The following GCH1 variants were observed in gnomAD, a reference collection of about 807,000 sequenced individuals.
GCH1 encodes the protein GTP cyclohydrolase I.
In GCH1, 5 loss-of-function variants were observed where a neutral mutation model predicts 25.9. The ratio of observed to expected loss-of-function variants is 0.19; its 90% confidence interval spans 0.10 to 0.41. The LOEUF (loss-of-function observed/expected upper bound fraction) is 0.41. Ranked by LOEUF, GCH1 falls within the 10% of genes least tolerant of loss-of-function variation. The probability of loss-of-function intolerance (pLI) is 1.00; values close to 1 mark genes in which losing one functional copy is unlikely to be tolerated. For missense variants in GCH1, 261 were observed against 336.5 expected, an observed-to-expected ratio of 0.78 and a Z score of 1.75; for synonymous variants, 159 against 129.6, an observed-to-expected ratio of 1.23 and a Z score of -1.54.
At chr14:54,860,330 T>C (rs759092716) in intron 2 of GCH1, among the ~76,000 whole-genome samples, 1 of 152,142 alleles carries the variant, frequency 6.6e-6, no homozygotes, top group Non-Finnish European at 1.5e-5. Context: ...AATGATCTCA[T>C]AGCAACACTA....
Position 54,843,690 on chromosome 14 carries a change from A to G in GCH1, c.*327T>C. 6.2e-7 allele frequency: 1 copy of G among 1,601,704 alleles called. No individual in the cohort carries two copies. The highest frequency in any genetic ancestry group is 8.5e-7 in the Non-Finnish European group (1 of 1,175,360). On this transcript the variant is annotated 3_prime_UTR_variant, in exon 6 of 6. Coordinates refer to ENST00000491895, the MANE Select transcript of GCH1 (RefSeq NM_000161.3). ...CCCAATGCTCCTATGCTTATGAGGC[A>G]AATTACTGTACTATTTGAAAAAAAT...
chr14:54,881,109 A>G (rs7155501), intron 1 of GCH1, among the ~76,000 whole-genome samples: 78,841 of 151,242 alleles, frequency 0.52, 21,665 homozygotes, highest in African/African-American at 0.69. Context: ...ACAGGTGTGA[A>G]CCACCGCGCC....
rs1348562494 is a variant in GCH1, at chr14:54,844,133, T to C, written c.637A>G (p.Met213Val). Residue 213 changes from methionine (M) to valine (V), a missense_variant, in exon 6 of 6, where the codon ATG (methionine) becomes GTG (valine). Physicochemically the swap from Met to Val is conservative, Grantham distance 21 (BLOSUM62 1). This residue lies in a region of GCH1 where 130 missense variants were observed against 184.1 expected (regional missense o/e 0.71). Transcript: ENST00000491895. ...ATTTTCTGTACACCTCGCATTACCA[T>C]ACACATGTGTCTACAAAATAAGGCA... ...GVVVEATHMCMVMRGVQKMNS... is the reference protein window; with the variant it reads ...GVVVEATHMCVVMRGVQKMNS... 2 of 1,610,790 alleles carry C rather than the reference T, an allele frequency of 1.2e-6. No homozygotes were observed. Among genetic ancestry groups the C allele is most frequent in the Non-Finnish European group, 1.7e-6 (2 of 1,177,032 alleles).
intron 1 of GCH1, among the ~76,000 whole-genome samples, chr14:54,898,976 G>C (rs1310300685): frequency 6.6e-6 from 1 of 152,032 alleles, no homozygotes; most frequent in Non-Finnish European, 1.5e-5. Context: ...GGGGAGACGA[G>C]AGGAAAAAAC....
At chr14:54,880,220 A>G (rs1302007701) in intron 1 of GCH1, among the ~76,000 whole-genome samples, 1 of 150,526 alleles carries the variant, frequency 6.6e-6, no homozygotes, top group Non-Finnish European at 1.5e-5. Context: ...TCAGGAAGTG[A>G]TAACTAGGAA....
chr14:54,883,997 AG>A (rs902383747), intron 1 of GCH1, among the ~76,000 whole-genome samples: 7 of 152,352 alleles, frequency 4.6e-5, no homozygotes, highest in African/African-American at 1.7e-4. Context: ...CCCACATTCT[AG>A]AAAAATATCC....
In GCH1 at chr14:54,863,848, G is replaced by GTTGTTTGTTTGTTTGT. The variant is rs111635456; in HGVS notation, c.453+1463_453+1478dup. ...ATATTGTAGTTGTGGGGGTTTCGTTGTTGTTTGTTTGTTTGTTTGTTTGAC... is the reference window on the plus strand; with the variant it reads ...ATATTGTAGTTGTGGGGGTTTCGTTGTTGTTTGTTTGTTTGTTTGTTTGTTTGTTTGTTTGTTTGAC... On this transcript the variant is annotated intron_variant, in intron 2 of 5. Coordinates refer to ENST00000491895, the MANE Select transcript of GCH1 (RefSeq NM_000161.3). 2.3e-3 allele frequency among the ~76,000 whole-genome samples: 346 copies of GTTGTTTGTTTGTTTGT among 151,510 alleles called. 1 individual carries two copies. The highest frequency in any genetic ancestry group is 5.2e-3 in the East Asian group (27 of 5,156).
chr14:54,844,176 G>C (rs1469274547), intron 5 of GCH1, 33 bp from the exon 6 acceptor site: 2 of 1,456,396 alleles, frequency 1.4e-6, no homozygotes, highest in Admixed American at 3.3e-5. Flanking sequence ...TTGTTTAAAG[G>C]AGTAGACAGC....
In GCH1 at chr14:54,902,810, G is replaced by C. The variant is rs1413832380; in HGVS notation, c.-147C>G. ...ACCTGCTTAGATCACACTCCGAGCCGGGAGCGGCCACAGGCTGGAAAGCCC... is the reference window on the plus strand; with the variant it reads ...ACCTGCTTAGATCACACTCCGAGCCCGGAGCGGCCACAGGCTGGAAAGCCC... On this transcript the variant is annotated 5_prime_UTR_variant, in exon 1 of 6. Coordinates refer to ENST00000491895, the MANE Select transcript of GCH1 (RefSeq NM_000161.3). The C allele has an allele frequency of 5.5e-6, 6 of 1,095,404 alleles. No individual in the cohort carries two copies. Among genetic ancestry groups the C allele is most frequent in the Admixed American group, 4.3e-5 (1 of 23,484 alleles). 67.9% of individuals were successfully genotyped at this position (1,095,404 alleles called of 1,614,324 possible).
chr14:54,891,774 G>A (rs1488349365), intron 1 of GCH1, among the ~76,000 whole-genome samples: 1 of 152,072 alleles, frequency 6.6e-6, no homozygotes. Context: ...CAGCCCTTCT[G>A]CCCAGAATAT....
At chr14:54,855,984 C>T (rs2039805279) in intron 3 of GCH1, among the ~76,000 whole-genome samples, 2 of 151,798 alleles carry the variant, frequency 1.3e-5, no homozygotes, top group East Asian at 1.9e-4. Flanking sequence ...ACTTTATTCA[C>T]TCATTTGTAT....
At position 54,880,066 on chromosome 14, in the gene GCH1, C is replaced by T. The variant is rs566584079; in HGVS notation, c.344-14630G>A. Among the ~76,000 whole-genome samples the T allele has an allele frequency of 3.4e-5, 5 of 148,382 alleles. No homozygotes were observed. The South Asian group carries it at 6.4e-4, about 19-fold the overall frequency. ...CTGAGACAGAAGAACTGCTTGAACC[C>T]GGAGGCGGAGGTTGCAGTGAGCCAA... On this transcript the variant is annotated intron_variant, in intron 1 of 5. Coordinates refer to ENST00000491895, the MANE Select transcript of GCH1 (RefSeq NM_000161.3).
intron 1 of GCH1, among the ~76,000 whole-genome samples, chr14:54,876,409 G>C (rs1284385518): frequency 2.0e-5 from 3 of 152,028 alleles, no homozygotes; most frequent in African/African-American, 7.2e-5. Flanking sequence ...GAGTTAATGG[G>C]TGCAGCACAC....
intron 1 of GCH1, among the ~76,000 whole-genome samples, chr14:54,893,695 T>A (rs2040451478): frequency 6.6e-6 from 1 of 152,218 alleles, no homozygotes; most frequent in African/African-American, 2.4e-5. Context: ...AAAATGGGAA[T>A]AATATTGCCT....
At chr14:54,864,092 G>T (rs953120232) in intron 2 of GCH1, among the ~76,000 whole-genome samples, 1 of 151,930 alleles carries the variant, frequency 6.6e-6, no homozygotes, top group Non-Finnish European at 1.5e-5. Context: ...GAACTCCTGG[G>T]TTCAAGCAAT....
At chr14:54,867,217 G>A (rs1293655890) in intron 1 of GCH1, among the ~76,000 whole-genome samples, 1 of 152,156 alleles carries the variant, frequency 6.6e-6, no homozygotes, top group Non-Finnish European at 1.5e-5. Flanking sequence ...CAAAGAATGA[G>A]AGCGTCCCCA....
intron 1 of GCH1, among the ~76,000 whole-genome samples, chr14:54,868,923 G>C: frequency 6.6e-6 from 1 of 151,812 alleles, no homozygotes; most frequent in East Asian, 1.9e-4. Context: ...TATTATTTTA[G>C]AGATGGGATC....
intron 1 of GCH1, among the ~76,000 whole-genome samples, chr14:54,892,158 C>T (rs1176186815): frequency 2.0e-5 from 3 of 152,098 alleles, no homozygotes; most frequent in Non-Finnish European, 2.9e-5. Flanking sequence ...ATGGCCACAG[C>T]ACATGGTAAG....
chr14:54,858,470 G>A (rs2039846703), intron 3 of GCH1, among the ~76,000 whole-genome samples: 1 of 151,960 alleles, frequency 6.6e-6, no homozygotes, highest in Admixed American at 6.6e-5. Flanking sequence ...ATTTTTAGTA[G>A]AGATGGGGTT....
Sources: allele counts gnomAD v4.1 joint callset (sites outside exome capture counted in the v4.1 genomes callset), GRCh38; gene constraint gnomAD v4.1.1; regional missense constraint gnomAD v4.1.1; transcripts MANE v1.5; gene names NCBI Gene and HGNC (gene_info 2026-07-23, HGNC 2026-07-21).